Variants in STXBP5L observed in about 807,000 individuals in gnomAD.
STXBP5L encodes the protein syntaxin binding protein 5L.
Under a neutral mutation model 144.5 loss-of-function variants are expected in STXBP5L, and 65 were observed. The ratio of observed to expected loss-of-function variants is 0.45; its 90% CI spans 0.37 to 0.55. The LOEUF (loss-of-function observed/expected upper bound fraction) is 0.55. STXBP5L is among the 20% of genes least tolerant of loss of function. STXBP5L has a pLI of 0.00. For missense variants in STXBP5L, 1,298 were observed against 1,405.5 expected (o/e 0.92, Z 1.22); for synonymous variants, 505 against 469.6 (o/e 1.08, Z -0.97).
chr3:121,274,400 C>T (rs1270922336), intron 18 of STXBP5L, among the ~76,000 whole-genome samples: 1 of 152,244 alleles, frequency 6.6e-6, no homozygotes, highest in Non-Finnish European at 1.5e-5. Context: ...TCTGTAGTAA[C>T]TGTAGTGGTT....
At chr3:121,193,809 A>C (rs925808524) in intron 9 of STXBP5L, among the ~76,000 whole-genome samples, 3 of 152,060 alleles carry the variant, frequency 2.0e-5, no homozygotes, top group Non-Finnish European at 2.9e-5. Context: ...AACATCATGC[A>C]TGGGGGCCTG....
At chr3:121,309,526 G>A (rs1263491387) in intron 19 of STXBP5L, among the ~76,000 whole-genome samples, 1 of 151,918 alleles carries the variant, frequency 6.6e-6, no homozygotes, top group African/African-American at 2.4e-5. Context: ...AAAAGAGAAA[G>A]TCAATAATAA....
At chr3:121,364,872 A>C (rs1399973378) in intron 20 of STXBP5L, among the ~76,000 whole-genome samples, 1 of 151,760 alleles carries the variant, frequency 6.6e-6, no homozygotes, top group Non-Finnish European at 1.5e-5. Context: ...GGCTTTTATT[A>C]TATTGAGATA....
intron 7 of STXBP5L, among the ~76,000 whole-genome samples, chr3:121,137,992 C>T (rs1357528437): frequency 6.6e-6 from 1 of 152,038 alleles, no homozygotes; most frequent in Non-Finnish European, 1.5e-5. Context: ...GTTAAATTGT[C>T]CCTTTTTGCT....
intron 10 of STXBP5L, among the ~76,000 whole-genome samples, chr3:121,216,255 T>C (rs1051495026): frequency 5.9e-5 from 9 of 152,184 alleles, no homozygotes; most frequent in African/African-American, 2.2e-4. Flanking sequence ...TTGTGATCCT[T>C]TGGAGGAGAG....
intron 7 of STXBP5L, among the ~76,000 whole-genome samples, chr3:121,137,328 TAAATA>T (rs2045307289): frequency 1.3e-5 from 2 of 151,984 alleles, no homozygotes; most frequent in Non-Finnish European, 2.9e-5. Context: ...GAAGACCAAA[TAAATA>T]AAATCAGAGA....
chr3:121,331,822 A>T (rs1191458790), intron 20 of STXBP5L, among the ~76,000 whole-genome samples: 1 of 152,156 alleles, frequency 6.6e-6, no homozygotes, highest in Non-Finnish European at 1.5e-5. Flanking sequence ...AAATAACTAA[A>T]TAAAAAAGTG....
intron 3 of STXBP5L, among the ~76,000 whole-genome samples, chr3:121,031,420 T>C (rs139040103): frequency 1.5e-5 from 2 of 132,194 alleles, no homozygotes; most frequent in Non-Finnish European, 3.3e-5. Flanking sequence ...ATCAATCAAC[T>C]ATCTAGATTG....
At chr3:121,143,929 A>G (rs780195015) in intron 7 of STXBP5L, among the ~76,000 whole-genome samples, 13 of 151,870 alleles carry the variant, frequency 8.6e-5, no homozygotes, top group Non-Finnish European at 1.6e-4. Context: ...TGACAATGTC[A>G]TGGCTCTATA....
intron 9 of STXBP5L, among the ~76,000 whole-genome samples, chr3:121,192,760 G>C (rs1447039389): frequency 2.0e-5 from 3 of 152,170 alleles, no homozygotes; most frequent in Non-Finnish European, 4.4e-5. Context: ...GGGAAAACTG[G>C]CTAGCCATCT....
Position 121,386,378 on chromosome 3 carries a change from G to T in STXBP5L, c.2587+4846G>T, listed in dbSNP as rs947955415. The stretch of plus-strand genomic sequence containing the variant: ...AGCCTCCAGCTGCATTCACATTGCT[G>T]CAAAGGGCAATAATTTCATTATTTA... On this transcript the variant is annotated intron_variant, in intron 22 of 26. Transcript: ENST00000471454. Among the ~76,000 whole-genome samples, 10 of 152,000 alleles carry T rather than the reference G, an allele frequency of 6.6e-5. 1 individual carries two copies. The highest frequency in any genetic ancestry group is 2.6e-4 in the Admixed American group (4 of 15,236).
chr3:120,951,843 G>A (rs901648527), intron 2 of STXBP5L, among the ~76,000 whole-genome samples: 12 of 152,172 alleles, frequency 7.9e-5, no homozygotes, highest in African/African-American at 2.7e-4. Context: ...CTGCTATAAA[G>A]ACACATGCAC....
At chr3:121,055,550 T>G (rs1948395798) in intron 5 of STXBP5L, among the ~76,000 whole-genome samples, 1 of 151,968 alleles carries the variant, frequency 6.6e-6, no homozygotes, top group Non-Finnish European at 1.5e-5. Flanking sequence ...CTGCTCTGTC[T>G]CCCAGGCTGG....
In STXBP5L at chr3:121,419,135, T is replaced by C; in HGVS notation, c.*38T>C. On this transcript the variant is annotated 3_prime_UTR_variant, in exon 27 of 27. Coordinates refer to ENST00000471454, the MANE Select transcript of STXBP5L (RefSeq NM_001308330.2). The stretch of plus-strand genomic sequence containing the variant: ...CTGTGACTGCTTTGAGAAACCATAT[T>C]CAGGGAAACCAAATTTATTCCCAGC... 1 of 1,589,532 alleles carries C rather than the reference T, an allele frequency of 6.3e-7. No homozygotes were observed. The highest frequency in any genetic ancestry group is 8.6e-7 in the Non-Finnish European group (1 of 1,166,306).
intron 5 of STXBP5L, among the ~76,000 whole-genome samples, chr3:121,096,214 G>C (rs2043120609): frequency 6.6e-6 from 1 of 152,116 alleles, no homozygotes; most frequent in African/African-American, 2.4e-5. Context: ...TTGTGGACTG[G>C]AGCTGTTCAT....
intron 22 of STXBP5L, among the ~76,000 whole-genome samples, chr3:121,405,119 T>C (rs1459513433): frequency 1.3e-5 from 2 of 152,136 alleles, no homozygotes; most frequent in Non-Finnish European, 2.9e-5. Context: ...ATTAGAGCCA[T>C]ACCCTTATGA....
intron 20 of STXBP5L, among the ~76,000 whole-genome samples, chr3:121,350,119 G>T (rs1285738727): frequency 1.3e-5 from 2 of 152,070 alleles, no homozygotes; most frequent in Non-Finnish European, 2.9e-5. Context: ...TCCATGTTCA[G>T]TGCTTCCTTC....
At chr3:121,025,421 A>G (rs987854140) in intron 3 of STXBP5L, among the ~76,000 whole-genome samples, 1 of 152,128 alleles carries the variant, frequency 6.6e-6, no homozygotes. Flanking sequence ...TTCTCTAAAT[A>G]TAAATATTAT....
At chr3:121,014,691 T>A (rs1945019805) in intron 3 of STXBP5L, among the ~76,000 whole-genome samples, 1 of 146,320 alleles carries the variant, frequency 6.8e-6, no homozygotes, top group Non-Finnish European at 1.5e-5. Context: ...AATTTTACAC[T>A]CTCACCAGCA....
Sources: allele counts gnomAD v4.1 joint callset (sites outside exome capture counted in the v4.1 genomes callset), GRCh38; gene constraint gnomAD v4.1.1; transcripts MANE v1.5; gene names NCBI Gene and HGNC (gene_info 2026-07-23, HGNC 2026-07-21).